PCSK5: variants seen among roughly 807,000 people sequenced by gnomAD.
The protein encoded by PCSK5 is proprotein convertase subtilisin/kexin type 5.
A neutral mutation model predicts 233.2 loss-of-function variants in PCSK5; 129 were observed. The observed-to-expected ratio is 0.55, with a 90% CI of 0.48 to 0.64. The LOEUF (loss-of-function observed/expected upper bound fraction) is 0.64, where lower values mean the gene tolerates loss of function less well. PCSK5 is among the 30% of genes least tolerant of loss of function. PCSK5 has a pLI of 0.00. For missense variants in PCSK5, 2,076 were observed against 2,430.1 expected (o/e 0.85, Z 3.06); for synonymous variants, 825 against 879.2 (o/e 0.94, Z 1.09).
chr9:76,089,880 C>T (rs1178754500), intron 7 of PCSK5, among the ~76,000 whole-genome samples: 1 of 152,082 alleles, frequency 6.6e-6, no homozygotes, highest in African/African-American at 2.4e-5. Flanking sequence ...AAATCCAATT[C>T]TTTTCTATCC....
At position 76,361,261 on chromosome 9, in the gene PCSK5, C is replaced by CT. The variant is rs1830426359; in HGVS notation, c.*2341dup. The CT allele has an allele frequency of 6.6e-6, 1 of 152,252 alleles. No individual in the cohort carries two copies. The highest frequency in any genetic ancestry group is 2.4e-5 in the African/African-American group (1 of 41,454). The allele number at this position is 152,252 out of a possible 1,614,324, so 9.4% of individuals were successfully genotyped here. A position where few individuals can be genotyped will look rare whatever the true frequency, so the allele number is the denominator to read the frequency against. ...TCAGGAGGCTGAGGCAGGCAAATCACTTGAGCCCGGGAGGCAGAGGTTGCA... is the reference window on the plus strand; with the variant it reads ...TCAGGAGGCTGAGGCAGGCAAATCACTTTGAGCCCGGGAGGCAGAGGTTGCA... On this transcript the variant is annotated 3_prime_UTR_variant, in exon 38 of 38. Coordinates refer to ENST00000674117, the MANE Select transcript of PCSK5 (RefSeq NM_001372043.1).
At chr9:76,258,687 A>G (rs1228641340) in intron 24 of PCSK5, among the ~76,000 whole-genome samples, 1 of 152,240 alleles carries the variant, frequency 6.6e-6, no homozygotes, top group African/African-American at 2.4e-5. Context: ...AAAATTTGGC[A>G]TGCAAGAACT....
intron 14 of PCSK5, 166 bp downstream of exon 14, chr9:76,175,295 TA>T: frequency 2.5e-6 from 1 of 400,464 alleles, no homozygotes; most frequent in Non-Finnish European, 4.5e-6. Context: ...TCGAATCGAA[TA>T]GAATAGAATA....
At chr9:76,111,222 A>G (rs1333481563) in intron 9 of PCSK5, among the ~76,000 whole-genome samples, 1 of 152,214 alleles carries the variant, frequency 6.6e-6, no homozygotes, top group African/African-American at 2.4e-5. Flanking sequence ...TGTTGCAACA[A>G]ATTCCACTCT....
At chr9:75,960,191 TAAAAC>T (rs146697877) in intron 2 of PCSK5, among the ~76,000 whole-genome samples, 3,530 of 152,306 alleles carry the variant, frequency 0.023, 142 homozygotes, top group African/African-American at 0.079. Context: ...GAAATAAAGA[TAAAAC>T]AGACAATTCT....
intron 2 of PCSK5, among the ~76,000 whole-genome samples, chr9:75,963,411 A>G (rs1206896486): frequency 1.3e-5 from 2 of 152,254 alleles, no homozygotes; most frequent in Admixed American, 6.5e-5. Context: ...TAAGAATTAT[A>G]GAGCGGCATC....
At chr9:76,285,985 T>G (rs912300748) in intron 24 of PCSK5, among the ~76,000 whole-genome samples, 2 of 152,228 alleles carry the variant, frequency 1.3e-5, no homozygotes, top group African/African-American at 4.8e-5. Context: ...CGATGATTAC[T>G]GGGTTCTATT....
At position 76,071,175 on chromosome 9, in the gene PCSK5, T is replaced by A. The variant is rs549757618; in HGVS notation, c.722-551T>A. ...TTTGAGAATTATTTGAAATGTTACA[T>A]CCACAGAGATTATTCTTATTTATTA... On this transcript the variant is annotated intron_variant, in intron 6 of 37. Coordinates refer to ENST00000674117, the MANE Select transcript of PCSK5 (RefSeq NM_001372043.1). Among the ~76,000 whole-genome samples, 14 of 152,294 alleles carry A rather than the reference T, an allele frequency of 9.2e-5. No individual in the cohort carries two copies. In the South Asian group the frequency reaches 2.9e-3, roughly 32 times the overall value.
intron 14 of PCSK5, among the ~76,000 whole-genome samples, chr9:76,175,924 A>T (rs1157497878): frequency 1.3e-5 from 2 of 151,648 alleles, no homozygotes; most frequent in African/African-American, 2.4e-5. Context: ...CCTTGTGAAC[A>T]CTCTGTATGT....
At chr9:76,048,201 C>T (rs1296754770) in intron 5 of PCSK5, among the ~76,000 whole-genome samples, 1 of 152,068 alleles carries the variant, frequency 6.6e-6, no homozygotes, top group Non-Finnish European at 1.5e-5. Context: ...AATCAGTTTG[C>T]TTGATTTGAC....
At chr9:76,331,793 G>C (rs759027970) in intron 33 of PCSK5, among the ~76,000 whole-genome samples, 1 of 152,180 alleles carries the variant, frequency 6.6e-6, no homozygotes, top group Non-Finnish European at 1.5e-5. Context: ...GGGGCCATGA[G>C]CCAAGGCATG....
At chr9:75,932,818 T>G (rs1166088770) in intron 2 of PCSK5, among the ~76,000 whole-genome samples, 1 of 152,154 alleles carries the variant, frequency 6.6e-6, no homozygotes, top group Non-Finnish European at 1.5e-5. Context: ...TCTACCTATT[T>G]GCATACAGAT....
chr9:75,902,214 TAAAAAAAAAAA>T lies in PCSK5; in HGVS notation c.192+10860_192+10870del, dbSNP rs200579439. Among the ~76,000 whole-genome samples the T allele has an allele frequency of 7.5e-3, 400 of 53,290 alleles. 1 individual carries two copies. The highest frequency in any genetic ancestry group is 0.01 in the Admixed American group (47 of 4,548). The allele number at this position is 53,290 out of a possible 152,430, so 35.0% of individuals were successfully genotyped here. A position where few individuals can be genotyped will look rare whatever the true frequency, so the allele number is the denominator to read the frequency against. ...CTGGGTGACAGAGTGAGACACCATC[TAAAAAAAAAAA>T]AAAAAAAAAAAAAAAAAAGAAAAGG... On this transcript the variant is annotated intron_variant, in intron 1 of 37. Coordinates refer to ENST00000674117, the MANE Select transcript of PCSK5 (RefSeq NM_001372043.1).
At chr9:76,282,011 T>A (rs1827882763) in intron 24 of PCSK5, among the ~76,000 whole-genome samples, 1 of 151,672 alleles carries the variant, frequency 6.6e-6, no homozygotes, top group Non-Finnish European at 1.5e-5. Flanking sequence ...CTCTGATGTA[T>A]CTGGGCAATG....
intron 9 of PCSK5, among the ~76,000 whole-genome samples, chr9:76,123,110 C>T (rs539694400): frequency 2.6e-4 from 40 of 152,198 alleles, no homozygotes; most frequent in African/African-American, 9.6e-4. Flanking sequence ...TCTCAAAGTG[C>T]TGGGATTACA....
intron 30 of PCSK5, among the ~76,000 whole-genome samples, chr9:76,311,481 A>G (rs886889762): frequency 6.6e-6 from 1 of 152,160 alleles, no homozygotes; most frequent in Admixed American, 6.5e-5. Flanking sequence ...TGAGGCATGA[A>G]TTATAGATAA....
intron 17 of PCSK5, among the ~76,000 whole-genome samples, chr9:76,187,718 G>A (rs548550316): frequency 1.3e-5 from 2 of 152,280 alleles, no homozygotes; most frequent in South Asian, 4.1e-4. Flanking sequence ...CCTGTAGACT[G>A]TGAAAAATAT....
intron 24 of PCSK5, among the ~76,000 whole-genome samples, chr9:76,284,254 C>T (rs1368223398): frequency 6.6e-6 from 1 of 152,118 alleles, no homozygotes; most frequent in Non-Finnish European, 1.5e-5. Context: ...ACCCAAATCT[C>T]ATCTTGAATT....
rs746802281 is a variant in PCSK5 at position 76,071,889 on chromosome 9, C to G, written c.885C>G (p.Gly295=). The G allele has an allele frequency of 3.7e-6, 6 of 1,613,512 alleles. No individual in the cohort carries two copies. Among genetic ancestry groups the G allele is most frequent in the Non-Finnish European group, 4.2e-6 (5 of 1,179,788 alleles). ...APLTRQAFEN[G]VRMGRRGLGS... ...TCACCCGGCAAGCCTTTGAAAACGGCGTTAGAATGGTAGGTTTTAAAAGCA... is the reference window on the plus strand; with the variant it reads ...TCACCCGGCAAGCCTTTGAAAACGGGGTTAGAATGGTAGGTTTTAAAAGCA... The change falls in exon 7 of 38, where the codon GGC becomes GGG. Residue 295 remains glycine (G), a synonymous_variant. Transcript: ENST00000674117.
Sources: gnomAD v4.1 joint callset for allele counts (sites outside exome capture counted in the v4.1 genomes callset) on GRCh38, gnomAD v4.1.1 for gene constraint, MANE v1.5 for transcripts, NCBI Gene and HGNC (gene_info 2026-07-23, HGNC 2026-07-21) for gene names.